Variants in MATR3 observed in about 807,000 individuals in gnomAD.
The protein encoded by MATR3 is matrin 3.
MATR3 carries 4 observed loss-of-function variants against 85.5 expected under a neutral mutation model. That is an observed-to-expected ratio of 0.05 (90% CI 0.02 to 0.11). The LOEUF is 0.11. Among genes scored for constraint, MATR3 ranks in the 10% least tolerant of loss-of-function variants. MATR3 has a pLI of 1.00. For synonymous variants in MATR3, 336 were observed against 343.1 expected (o/e 0.98, Z 0.23); for missense variants, 685 against 1,016.1 (o/e 0.67, Z 4.43).
intron 12 of MATR3, among the ~76,000 whole-genome samples, chr5:139,324,406 T>G (rs993003971): frequency 1.3e-5 from 2 of 149,804 alleles, no homozygotes; most frequent in Non-Finnish European, 3.0e-5. Context: ...TTCTGCTGCC[T>G]CAGCCTCCCA....
chr5:139,329,133 A>G (rs1197263826), intron 14 of MATR3, among the ~76,000 whole-genome samples: 3 of 152,210 alleles, frequency 2.0e-5, no homozygotes, highest in Non-Finnish European at 4.4e-5. Context: ...TGAAATACCC[A>G]TTTTATACCT....
At position 139,331,574 on chromosome 5, in the gene MATR3, G is replaced by A. The variant is rs1278632996; in HGVS notation, c.*2179G>A. Reference sequence around the variant, plus strand: ...TTTTAGTAGGAATGTTTCCACTCATGTTTGCTGTAAAGTTTAAGAACATTT... The same window carrying A: ...TTTTAGTAGGAATGTTTCCACTCATATTTGCTGTAAAGTTTAAGAACATTT... On this transcript the variant is annotated 3_prime_UTR_variant, in exon 15 of 15. Transcript: ENST00000394805. 1.8e-5 allele frequency: 8 copies of A among 453,978 alleles called. No homozygotes were observed. Among genetic ancestry groups the A allele is most frequent in the South Asian group, 1.2e-4 (8 of 64,486 alleles). 28.1% of individuals were successfully genotyped at this position (453,978 alleles called of 1,614,324 possible).
chr5:139,327,323 A>G (rs182373956), intron 14 of MATR3, among the ~76,000 whole-genome samples: 1 of 148,712 alleles, frequency 6.7e-6, no homozygotes, highest in African/African-American at 2.5e-5. Context: ...TTTTTTTTTA[A>G]ATGTAACTGC....
intron 6 of MATR3, 116 bp from the exon 7 acceptor site, chr5:139,317,480 T>G (rs961502676): frequency 3.0e-6 from 3 of 1,014,308 alleles, no homozygotes; most frequent in African/African-American, 3.2e-5. Context: ...ATGTTATGAG[T>G]TGTTTTACTT....
At chr5:139,320,894 C>T (rs1755529571) in intron 9 of MATR3, among the ~76,000 whole-genome samples, 1 of 149,946 alleles carries the variant, frequency 6.7e-6, no homozygotes, top group African/African-American at 2.5e-5. Context: ...ACCACAGGCA[C>T]CCGCCACCAC....
intron 1 of MATR3, among the ~76,000 whole-genome samples, chr5:139,296,686 G>A (rs1754172410): frequency 6.6e-6 from 1 of 152,134 alleles, no homozygotes; most frequent in East Asian, 1.9e-4. Context: ...ACAGGAATCA[G>A]AATATTCTTA....
rs1005450549 is a variant in MATR3, at chr5:139,331,500, G to A, written c.*2105G>A. The A allele has an allele frequency of 4.4e-6, 2 of 453,920 alleles. No homozygotes were observed. The highest frequency in any genetic ancestry group is 2.0e-5 in the African/African-American group (1 of 49,974). 28.1% of individuals were successfully genotyped at this position (453,920 alleles called of 1,614,324 possible). A position where few individuals can be genotyped will look rare whatever the true frequency, so the allele number is the denominator to read the frequency against. The stretch of plus-strand genomic sequence containing the variant: ...ATTTAGAAATCAGAAATTATAATAA[G>A]CTGTTAGTGATAAATCTGTAACAGC... On this transcript the variant is annotated 3_prime_UTR_variant, in exon 15 of 15. Coordinates refer to ENST00000394805, the MANE Select transcript of MATR3 (RefSeq NM_018834.6).
At chr5:139,313,325 TTC>T (rs1491572011) in intron 2 of MATR3, 4 of 80,568 alleles carry the variant, frequency 5.0e-5, no homozygotes, top group East Asian at 5.6e-4. Flanking sequence ...GTAATAATAG[TTC>T]TTTTTTTTTT....
chr5:139,324,290 G>GTTTTTT (rs767660135), intron 12 of MATR3, among the ~76,000 whole-genome samples: 13 of 107,710 alleles, frequency 1.2e-4, no homozygotes, highest in Non-Finnish European at 1.6e-4. Flanking sequence ...GAGCATGATT[G>GTTTTTT]TTTTTTTTTT....
intron 9 of MATR3, among the ~76,000 whole-genome samples, chr5:139,320,532 T>C (rs149638304): frequency 1.3e-5 from 2 of 151,978 alleles, no homozygotes; most frequent in East Asian, 3.9e-4. Flanking sequence ...AACCCAGGAG[T>C]CCAAGGTTTG....
chr5:139,323,395 A>G (rs1044116381), intron 12 of MATR3, among the ~76,000 whole-genome samples: 2 of 152,218 alleles, frequency 1.3e-5, no homozygotes. Flanking sequence ...CTATTTGAGA[A>G]ATGTTGGCCT....
At chr5:139,287,488 G>C (rs1026849906) in intron 3 of MATR3, among the ~76,000 whole-genome samples, 1 of 152,054 alleles carries the variant, frequency 6.6e-6, no homozygotes, top group African/African-American at 2.4e-5. Context: ...ACATGTTGGC[G>C]CGCACCTGTA....
intron 1 of MATR3, among the ~76,000 whole-genome samples, chr5:139,298,761 A>G (rs1581221698): frequency 6.6e-6 from 1 of 152,320 alleles, no homozygotes; most frequent in East Asian, 1.9e-4. Flanking sequence ...GTATTTTGGA[A>G]GAGCACCATG....
chr5:139,318,278 C>T (rs927370336), intron 7 of MATR3, among the ~76,000 whole-genome samples: 8 of 152,036 alleles, frequency 5.3e-5, no homozygotes, highest in East Asian at 1.9e-4. Context: ...GGATTACAGC[C>T]GCCCACTATC....
upstream of MATR3, among the ~76,000 whole-genome samples, chr5:139,291,304 C>T (rs1327641994): frequency 2.0e-5 from 3 of 152,184 alleles, no homozygotes; most frequent in African/African-American, 7.2e-5. Context: ...ATTATTCACT[C>T]GTCTCAAATA....
At chr5:139,318,886 A>G (rs1392489092) in intron 7 of MATR3, 22 bp from the exon 8 acceptor site, 6 of 1,613,172 alleles carry the variant, frequency 3.7e-6, no homozygotes, top group Admixed American at 1.7e-5. Context: ...AAACAGAGAA[A>G]TAACTTTTTG....
chr5:139,325,171 C>T (rs894052309), intron 12 of MATR3: 16 of 1,346,316 alleles, frequency 1.2e-5, no homozygotes, highest in Admixed American at 1.1e-4. Context: ...CCAGCCTGGT[C>T]GACAGAGCAA....
At chr5:139,322,310 T>A (rs1207902869) in intron 10 of MATR3, among the ~76,000 whole-genome samples, 153 bp from the exon 11 acceptor site, 1 of 152,248 alleles carries the variant, frequency 6.6e-6, no homozygotes, top group Non-Finnish European at 1.5e-5. Context: ...GGTATGGTCA[T>A]GATGAATGTC....
Position 139,326,445 on chromosome 5 carries a change from A to G in MATR3, c.2493+161A>G, listed in dbSNP as rs189399039. On this transcript the variant is annotated intron_variant, in intron 14 of 14. Transcript: ENST00000394805. ...TACTTTTTTTTTTTTTTTTAAAGAC[A>G]GTTTCTCTCTTGTTGCCCAGGTTGG... 6.0e-3 allele frequency among the ~76,000 whole-genome samples: 894 copies of G among 147,980 alleles called. 13 individuals carry two copies. The highest frequency in any genetic ancestry group is 0.018 in the African/African-American group (719 of 40,308).
Sources: allele counts gnomAD v4.1 joint callset (sites outside exome capture counted in the v4.1 genomes callset), GRCh38; gene constraint gnomAD v4.1.1; transcripts MANE v1.5; gene names NCBI Gene and HGNC (gene_info 2026-07-23, HGNC 2026-07-21).